Variants in RBFOX1 observed in about 807,000 individuals in gnomAD.
RBFOX1 encodes the protein RNA binding protein fox-1 homolog 1.
A neutral mutation model predicts 57.7 loss-of-function variants in RBFOX1; 8 were observed. The ratio of observed to expected loss-of-function variants is 0.14; its 90% CI spans 0.08 to 0.25. The LOEUF is 0.25. Among genes scored for constraint, RBFOX1 ranks in the 10% least tolerant of loss-of-function variants. The pLI is 1.00. For missense variants in RBFOX1, 611 were observed against 548.5 expected (o/e 1.11, Z -1.14); for synonymous variants, 326 against 222.4 (o/e 1.47, Z -4.15).
downstream of RBFOX1, among the ~76,000 whole-genome samples, chr16:5,600,486 CAA>C (rs34621437): frequency 0.24 from 21,668 of 90,182 alleles, 2,003 homozygotes; most frequent in Middle Eastern, 0.29. Flanking sequence ...GAGCCTGTCT[CAA>C]AAAAAAAAAA....
intron 4 of RBFOX1, among the ~76,000 whole-genome samples, chr16:7,415,909 C>T (rs149241962): frequency 7.2e-4 from 109 of 152,190 alleles, no homozygotes; most frequent in African/African-American, 2.4e-3. Flanking sequence ...GGCCCAGTTA[C>T]GCTTGCTACG....
intron 3 of RBFOX1, among the ~76,000 whole-genome samples, chr16:6,713,299 A>G (rs7195574): frequency 0.096 from 14,629 of 151,950 alleles, 1,154 homozygotes; most frequent in African/African-American, 0.22. Context: ...ACAGTCCCCC[A>G]TTGCTCACAG....
chr16:7,663,184 C>A (rs975703160), intron 12 of RBFOX1, among the ~76,000 whole-genome samples: 9 of 152,126 alleles, frequency 5.9e-5, no homozygotes, highest in South Asian at 4.1e-4. Context: ...GCCTTCTGAC[C>A]CCCCAACCGA....
chr16:6,039,664 G>A (rs908650827), intron 1 of RBFOX1, among the ~76,000 whole-genome samples: 6 of 152,176 alleles, frequency 3.9e-5, no homozygotes, highest in Admixed American at 2.6e-4. Context: ...AGTTACAAAC[G>A]TTTCAAATTC....
chr16:7,397,695 G>A (rs750746238), intron 4 of RBFOX1, among the ~76,000 whole-genome samples: 2 of 152,150 alleles, frequency 1.3e-5, no homozygotes, highest in Non-Finnish European at 2.9e-5. Context: ...TAGGAAGACT[G>A]TCCTCGCCCT....
intron 4 of RBFOX1, among the ~76,000 whole-genome samples, chr16:7,351,466 G>T (rs1385270660): frequency 6.6e-6 from 1 of 152,164 alleles, no homozygotes; most frequent in Non-Finnish European, 1.5e-5. Flanking sequence ...TGTAGGGGAA[G>T]GAGACAAAAC....
At chr16:5,723,002 G>A (rs1596967989) in intron 3 of RBFOX1, among the ~76,000 whole-genome samples, 1 of 152,178 alleles carries the variant, frequency 6.6e-6, no homozygotes, top group Non-Finnish European at 1.5e-5. Context: ...CATACTTAGG[G>A]CACATAAGGC....
chr16:5,240,718 T>TC (rs1440024833), intron 1 of RBFOX1, among the ~76,000 whole-genome samples: 2 of 152,160 alleles, frequency 1.3e-5, no homozygotes, highest in East Asian at 3.9e-4. Context: ...GTTCCTTGCA[T>TC]CCCTCGGGGC....
intron 3 of RBFOX1, among the ~76,000 whole-genome samples, chr16:5,808,015 T>G (rs921662545): frequency 2.6e-5 from 4 of 152,228 alleles, no homozygotes; most frequent in African/African-American, 9.6e-5. Flanking sequence ...CTATCAGGCT[T>G]ACTCCTTCTA....
intron 2 of RBFOX1, among the ~76,000 whole-genome samples, chr16:5,565,477 T>A (rs111325969): frequency 0.01 from 1,544 of 151,886 alleles, 34 homozygotes; most frequent in African/African-American, 0.035. Context: ...AATACAAAAT[T>A]AGCTGGGCAT....
chr16:6,593,990 C>G (rs1236706014), intron 2 of RBFOX1, among the ~76,000 whole-genome samples: 3 of 152,128 alleles, frequency 2.0e-5, no homozygotes, highest in African/African-American at 7.2e-5. Flanking sequence ...AAGATTCCAG[C>G]CTCCCTCCGC....
intron 4 of RBFOX1, among the ~76,000 whole-genome samples, chr16:5,983,053 G>T (rs1014291740): frequency 2.0e-5 from 3 of 152,184 alleles, no homozygotes; most frequent in African/African-American, 7.2e-5. Context: ...TCCCAGCGCT[G>T]ATGTCTGCAG....
chr16:6,959,645 T>TA, intron 3 of RBFOX1, among the ~76,000 whole-genome samples: 1 of 152,220 alleles, frequency 6.6e-6, no homozygotes, highest in Non-Finnish European at 1.5e-5. Context: ...CGTTAAATAT[T>TA]AAAAGCTGAG....
chr16:5,355,353 TTG>T (rs1394166768), intron 1 of RBFOX1, among the ~76,000 whole-genome samples: 1 of 152,120 alleles, frequency 6.6e-6, no homozygotes, highest in Non-Finnish European at 1.5e-5. Flanking sequence ...AAGGAGCAAT[TTG>T]TGGATTCCTG....
chr16:7,525,861 G>T (rs1397964561), intron 5 of RBFOX1, among the ~76,000 whole-genome samples: 1 of 152,188 alleles, frequency 6.6e-6, no homozygotes. Flanking sequence ...TGGGAATGGT[G>T]CAGTTGAGGT....
chr16:6,893,355 C>G (rs73546205), intron 3 of RBFOX1, among the ~76,000 whole-genome samples: 8,299 of 152,224 alleles, frequency 0.055, 810 homozygotes, highest in African/African-American at 0.19. Context: ...AATACACGAT[C>G]AAGTCACAAA....
At chr16:7,006,370 G>A (rs990868859) in intron 3 of RBFOX1, among the ~76,000 whole-genome samples, 1 of 152,082 alleles carries the variant, frequency 6.6e-6, no homozygotes, top group Non-Finnish European at 1.5e-5. Flanking sequence ...GGCCAGGATG[G>A]TCTCGATTTT....
chr16:5,357,831 T>C (rs1373170502), intron 1 of RBFOX1, among the ~76,000 whole-genome samples: 2 of 152,266 alleles, frequency 1.3e-5, no homozygotes, highest in African/African-American at 4.8e-5. Flanking sequence ...TATCTGTGTG[T>C]AATTTTTTAT....
At chr16:7,015,960 A>G (rs1334473794) in intron 3 of RBFOX1, among the ~76,000 whole-genome samples, 4 of 152,140 alleles carry the variant, frequency 2.6e-5, no homozygotes, top group Non-Finnish European at 5.9e-5. Flanking sequence ...TCATTTACCC[A>G]TTATTTGGTG....
Sources: gnomAD v4.1 joint callset for allele counts (sites outside exome capture counted in the v4.1 genomes callset) on GRCh38, gnomAD v4.1.1 for gene constraint, MANE v1.5 for transcripts, NCBI Gene and HGNC (gene_info 2026-07-23, HGNC 2026-07-21) for gene names.